Variants in GRIP1 observed in about 807,000 individuals in gnomAD.
GRIP1 encodes the protein glutamate receptor-interacting protein 1.
Under a neutral mutation model 129.9 loss-of-function variants are expected in GRIP1, and 45 were observed. The ratio of observed to expected loss-of-function variants is 0.35; its 90% CI spans 0.27 to 0.44. GRIP1 has a LOEUF of 0.44. Ranked by LOEUF, GRIP1 falls within the 20% of genes least tolerant of loss-of-function variation. The pLI is 1.00. For synonymous variants in GRIP1, 530 were observed against 520.8 expected (o/e 1.02, Z -0.24); for missense variants, 1,196 against 1,396.8 (o/e 0.86, Z 2.29).
chr12:66,943,023 G>T (rs1190927883), intron 1 of GRIP1, among the ~76,000 whole-genome samples: 1 of 152,142 alleles, frequency 6.6e-6, no homozygotes, highest in Non-Finnish European at 1.5e-5. Context: ...AATATTGGTT[G>T]TTTAAGCCGC....
chr12:66,444,206 G>A (rs1400464548), intron 13 of GRIP1, among the ~76,000 whole-genome samples: 1 of 152,154 alleles, frequency 6.6e-6, no homozygotes, highest in Non-Finnish European at 1.5e-5. Flanking sequence ...TTTCCTCTTG[G>A]CCGGGCGCGG....
chr12:67,039,961 C>T (rs186885021), intron 1 of GRIP1, among the ~76,000 whole-genome samples: 5 of 152,146 alleles, frequency 3.3e-5, no homozygotes, highest in Non-Finnish European at 7.3e-5. Flanking sequence ...TCTTTTTCCA[C>T]CTAGTCTAGT....
chr12:66,870,938 G>A lies in GRIP1; in HGVS notation c.58+198112C>T, dbSNP rs966862587. ...TGGAAACTTTAACATTATAGCTCTCGCAGTAGTTGAGAATGTGAGATTTGC... is the reference window on the plus strand; with the variant it reads ...TGGAAACTTTAACATTATAGCTCTCACAGTAGTTGAGAATGTGAGATTTGC... On this transcript the variant is annotated intron_variant, in intron 1 of 1. Transcript: ENST00000643019. Among the ~76,000 whole-genome samples the A allele has an allele frequency of 3.2e-4, 48 of 152,050 alleles. 1 individual carries two copies. The highest frequency in any genetic ancestry group is 2.6e-3 in the Admixed American group (40 of 15,244).
chr12:66,613,139 T>A (rs7309000), intron 1 of GRIP1, among the ~76,000 whole-genome samples: 30,012 of 152,100 alleles, frequency 0.2, 3,085 homozygotes, highest in Non-Finnish European at 0.23. Flanking sequence ...CCCAGAGGCA[T>A]AACTTAGTCC....
intron 1 of GRIP1, among the ~76,000 whole-genome samples, chr12:66,849,921 C>T (rs550064698): frequency 3.9e-4 from 59 of 152,276 alleles, no homozygotes; most frequent in African/African-American, 1.2e-3. Flanking sequence ...CTGGCTCTGT[C>T]GGTCTGCAGC....
intron 1 of GRIP1, among the ~76,000 whole-genome samples, chr12:66,662,986 T>C (rs1411677379): frequency 2.6e-5 from 4 of 152,302 alleles, no homozygotes; most frequent in Admixed American, 2.6e-4. Context: ...GCCATAATAC[T>C]GCTGTCAGAA....
intron 1 of GRIP1, among the ~76,000 whole-genome samples, chr12:66,800,329 T>A (rs2038821746): frequency 6.6e-6 from 1 of 152,084 alleles, no homozygotes. Context: ...GAACAGCAGT[T>A]ACCATGGAGG....
chr12:66,852,273 T>G (rs1003811305), intron 1 of GRIP1, among the ~76,000 whole-genome samples: 1 of 151,998 alleles, frequency 6.6e-6, no homozygotes, highest in African/African-American at 2.4e-5. Flanking sequence ...TTTCCAAAAT[T>G]GCATGATTTG....
intron 1 of GRIP1, among the ~76,000 whole-genome samples, chr12:66,830,981 G>T (rs958044050): frequency 1.3e-5 from 2 of 151,158 alleles, no homozygotes; most frequent in African/African-American, 4.9e-5. Flanking sequence ...TGAGTTGCTG[G>T]GACTACAAGC....
At chr12:66,580,769 T>A (rs375707525) in intron 2 of GRIP1, among the ~76,000 whole-genome samples, 1 of 151,494 alleles carries the variant, frequency 6.6e-6, no homozygotes, top group East Asian at 1.9e-4. Flanking sequence ...AAGTCCTTAG[T>A]GACCTACAAA....
At chr12:67,003,725 TA>T (rs933358581) in intron 1 of GRIP1, among the ~76,000 whole-genome samples, 22 of 151,766 alleles carry the variant, frequency 1.4e-4, no homozygotes, top group African/African-American at 5.1e-4. Flanking sequence ...TAAAAATAAA[TA>T]AAAAAATAAA....
intron 7 of GRIP1, among the ~76,000 whole-genome samples, chr12:66,477,707 C>G (rs1330754826): frequency 6.6e-6 from 1 of 152,014 alleles, no homozygotes; most frequent in South Asian, 2.1e-4. Flanking sequence ...CAGAATAGAG[C>G]CCTCAGAAAT....
At chr12:66,828,218 G>C (rs1453359254) in intron 1 of GRIP1, among the ~76,000 whole-genome samples, 1 of 152,174 alleles carries the variant, frequency 6.6e-6, no homozygotes, top group Non-Finnish European at 1.5e-5. Flanking sequence ...GTGAATTTTA[G>C]ATATAATCAT....
intron 1 of GRIP1, among the ~76,000 whole-genome samples, chr12:66,945,706 G>C (rs2041657576): frequency 6.6e-6 from 1 of 152,078 alleles, no homozygotes; most frequent in Non-Finnish European, 1.5e-5. Flanking sequence ...TCTCACACTG[G>C]GGATTACATT....
At chr12:66,458,702 CA>C (rs1864154624) in intron 9 of GRIP1, among the ~76,000 whole-genome samples, 1 of 152,208 alleles carries the variant, frequency 6.6e-6, no homozygotes, top group African/African-American at 2.4e-5. Flanking sequence ...CTAACTATTA[CA>C]AAGAGAATCA....
intron 1 of GRIP1, among the ~76,000 whole-genome samples, chr12:66,771,399 G>A (rs929160639): frequency 1.3e-5 from 2 of 152,084 alleles, no homozygotes; most frequent in African/African-American, 2.4e-5. Flanking sequence ...ACCTTGCACA[G>A]ACACAACACA....
intron 2 of GRIP1, among the ~76,000 whole-genome samples, chr12:66,550,187 G>A (rs1012547894): frequency 2.0e-5 from 3 of 152,126 alleles, no homozygotes; most frequent in African/African-American, 7.2e-5. Flanking sequence ...TTATTAACAA[G>A]TTATTTAGTT....
At chr12:66,706,524 C>T (rs1451354393) in intron 1 of GRIP1, among the ~76,000 whole-genome samples, 2 of 151,930 alleles carry the variant, frequency 1.3e-5, no homozygotes, top group African/African-American at 4.8e-5. Flanking sequence ...GGGTATATAC[C>T]CAAAGGAATA....
At chr12:66,436,524 A>G (rs1362340104) in intron 13 of GRIP1, among the ~76,000 whole-genome samples, 1 of 152,228 alleles carries the variant, frequency 6.6e-6, no homozygotes, top group Non-Finnish European at 1.5e-5. Flanking sequence ...TGCATATATT[A>G]TGGTTACAGC....
Sources: allele counts gnomAD v4.1 joint callset (sites outside exome capture counted in the v4.1 genomes callset), GRCh38; gene constraint gnomAD v4.1.1; transcripts MANE v1.5; gene names NCBI Gene and HGNC (gene_info 2026-07-23, HGNC 2026-07-21).